Variants in TENM3 observed in about 807,000 individuals in gnomAD.
TENM3 encodes teneurin-3.
In TENM3, 63 loss-of-function variants were observed where a neutral mutation model predicts 255.1. That is an observed-to-expected ratio of 0.25 (90% confidence interval 0.20 to 0.30). The LOEUF (loss-of-function observed/expected upper bound fraction) is 0.30. Among genes scored for constraint, TENM3 ranks in the 10% least tolerant of loss-of-function variants. The pLI is 1.00. For missense variants in TENM3, 2,929 were observed against 3,461.1 expected (o/e 0.85, Z 3.86); for synonymous variants, 1,306 against 1,322.3 (o/e 0.99, Z 0.27).
At chr4:181,888,149 C>T in the TENM3 span, among the ~76,000 whole-genome samples, 5 of 151,964 alleles carry the variant, frequency 3.3e-5, no homozygotes, top group African/African-American at 1.2e-4. Context: ...CATGCTTCAG[C>T]CCCACAAGTA....
upstream of TENM3, chr4:182,142,135 A>T (rs987657327): frequency 4.0e-5 from 6 of 150,500 alleles, no homozygotes; most frequent in Non-Finnish European, 8.9e-5. Context: ...TTTTTTATAT[A>T]ATAATAAGAA....
At chr4:181,845,318 T>C in the TENM3 span, among the ~76,000 whole-genome samples, 12 of 152,214 alleles carry the variant, frequency 7.9e-5, 1 homozygote, top group Admixed American at 7.9e-4. Flanking sequence ...GTGATGACAG[T>C]GAGATGATTT....
chr4:181,530,402 G>C, the TENM3 span, among the ~76,000 whole-genome samples: 1 of 152,188 alleles, frequency 6.6e-6, no homozygotes, highest in South Asian at 2.1e-4. Context: ...AAGCAAAGCA[G>C]CAAAGTTGAG....
the TENM3 span, among the ~76,000 whole-genome samples, chr4:181,655,496 A>AG: frequency 0.1 from 15,806 of 152,238 alleles, 948 homozygotes; most frequent in East Asian, 0.18. Flanking sequence ...TGAGCAAGAG[A>AG]GAGCATGCCT....
chr4:182,080,128 C>A, the TENM3 span, among the ~76,000 whole-genome samples: 2 of 152,198 alleles, frequency 1.3e-5, no homozygotes, highest in Admixed American at 6.5e-5. Context: ...TCTGTTCTTG[C>A]AATATGCTGA....
chr4:182,426,030 A>AAAAAAAAAAAAAAAAAAAC (rs1771198883), intron 3 of TENM3, among the ~76,000 whole-genome samples: 2 of 132,944 alleles, frequency 1.5e-5, no homozygotes, highest in Non-Finnish European at 3.2e-5. Flanking sequence ...AAAAAAAAAA[A>AAAAAAAAAAAAAAAAAAAC]CACTCGAAGT....
chr4:182,681,906 A>G lies in TENM3; in HGVS notation c.1927A>G (p.Ile643Val). 6.2e-7 allele frequency: 1 copy of G among 1,613,974 alleles called. No homozygotes were observed. The highest frequency in any genetic ancestry group is 1.3e-5 in the African/African-American group (1 of 75,058). Residue 643 changes from isoleucine to valine, a missense_variant, in exon 11 of 28, where the codon ATA becomes GTA. Physicochemically the swap from Ile to Val is conservative, Grantham distance 29. Around this residue, in one of 6 missense-constraint regions of TENM3, gnomAD observed 1,608 missense variants for 1,884.4 expected, o/e 0.85. Transcript: ENST00000511685. ...AGGATGGGGAGGTAGCAATTGTGAAATACTGAAGACCATGTGTCCAGACCA... is the reference window on the plus strand; with the variant it reads ...AGGATGGGGAGGTAGCAATTGTGAAGTACTGAAGACCATGTGTCCAGACCA... ...SPGWGGSNCE[I>V]LKTMCPDQCS...
chr4:181,835,732 T>C, the TENM3 span, among the ~76,000 whole-genome samples: 1 of 152,222 alleles, frequency 6.6e-6, no homozygotes, highest in Non-Finnish European at 1.5e-5. Context: ...TGGTGTTTTT[T>C]AGTTATCGGC....
At chr4:182,790,984 A>T (rs1766063288) in intron 25 of TENM3, among the ~76,000 whole-genome samples, 1 of 152,130 alleles carries the variant, frequency 6.6e-6, no homozygotes, top group Non-Finnish European at 1.5e-5. Flanking sequence ...AAAACCCATC[A>T]AATCCACCCA....
the TENM3 span, chr4:181,905,841 G>T: frequency 2.3e-6 from 1 of 431,046 alleles, no homozygotes; most frequent in East Asian, 5.9e-5. Flanking sequence ...CTCATGTCTG[G>T]ATTTCTTTGA....
At position 182,217,009 on chromosome 4, in the gene TENM3, C is replaced by CTTTTTTTTTTTTTTTT. The variant is rs3071526; in HGVS notation, c.-76+72271_-76+72286dup. ...TCTAAATTTCACCATCATTTTCTTT[C>CTTTTTTTTTTTTTTTT]TTTTTTTTTTTTTTTTTTTTTTTTT... On this transcript the variant is annotated intron_variant, in intron 1 of 2. Transcript: ENST00000512480. Among the ~76,000 whole-genome samples the CTTTTTTTTTTTTTTTT allele has an allele frequency of 1.0e-4, 7 of 67,506 alleles. 1 individual carries two copies. The highest frequency in any genetic ancestry group is 3.3e-4 in the African/African-American group (6 of 18,302). The allele number at this position is 67,506 out of a possible 152,430, so 44.3% of individuals were successfully genotyped here.
the TENM3 span, among the ~76,000 whole-genome samples, chr4:182,097,916 C>T: frequency 6.6e-6 from 1 of 152,072 alleles, no homozygotes; most frequent in Non-Finnish European, 1.5e-5. Context: ...CTAATAAGTG[C>T]AGCTGGACCT....
chr4:182,445,634 G>A (rs1772854534), intron 3 of TENM3, among the ~76,000 whole-genome samples: 5 of 151,652 alleles, frequency 3.3e-5, no homozygotes, highest in Admixed American at 3.3e-4. Flanking sequence ...AATACAATTT[G>A]CTTTGATTTG....
the TENM3 span, among the ~76,000 whole-genome samples, chr4:181,452,400 G>A: frequency 6.6e-6 from 1 of 152,132 alleles, no homozygotes; most frequent in Non-Finnish European, 1.5e-5. Context: ...AAAGGGAGCT[G>A]GTAGGAGGTA....
the TENM3 span, among the ~76,000 whole-genome samples, chr4:181,913,064 A>G: frequency 1.3e-5 from 2 of 152,164 alleles, no homozygotes; most frequent in African/African-American, 2.4e-5. Flanking sequence ...ACTTGAATAC[A>G]TGGGTGAGGG....
At chr4:182,767,305 C>CAA (rs1763801306) in intron 22 of TENM3, among the ~76,000 whole-genome samples, 1 of 152,192 alleles carries the variant, frequency 6.6e-6, no homozygotes, top group Admixed American at 6.5e-5. Flanking sequence ...TGTTTGTGCA[C>CAA]AAGTCCCTCC....
intron 2 of TENM3, among the ~76,000 whole-genome samples, chr4:182,326,444 C>A (rs1294385430): frequency 6.6e-6 from 1 of 152,188 alleles, no homozygotes; most frequent in Non-Finnish European, 1.5e-5. Flanking sequence ...GGCTTCTAAT[C>A]TCTGTGCAGT....
At chr4:181,602,818 T>C in the TENM3 span, among the ~76,000 whole-genome samples, 1 of 152,212 alleles carries the variant, frequency 6.6e-6, no homozygotes, top group Non-Finnish European at 1.5e-5. Flanking sequence ...TCTGACCACA[T>C]GCCATTGTTA....
chr4:181,868,447 C>T, the TENM3 span, among the ~76,000 whole-genome samples: 1 of 152,206 alleles, frequency 6.6e-6, no homozygotes, highest in East Asian at 1.9e-4. Context: ...AGCTGTTTTG[C>T]CAGATGATTT....
Sources: allele counts gnomAD v4.1 joint callset (sites outside exome capture counted in the v4.1 genomes callset), GRCh38; gene constraint gnomAD v4.1.1; regional missense constraint gnomAD v4.1.1; transcripts MANE v1.5; gene names NCBI Gene and HGNC (gene_info 2026-07-23, HGNC 2026-07-21).